Variants in RIMS2 observed in about 807,000 individuals in gnomAD.
The protein encoded by RIMS2 is regulating synaptic membrane exocytosis 2.
A neutral mutation model predicts 174.4 loss-of-function variants in RIMS2; 59 were observed. That is an observed-to-expected ratio of 0.34 (90% CI 0.27 to 0.42). The LOEUF (loss-of-function observed/expected upper bound fraction) is 0.42. Ranked by LOEUF, RIMS2 falls within the 10% of genes least tolerant of loss-of-function variation. RIMS2 has a pLI of 1.00. For synonymous variants in RIMS2, 606 were observed against 572.5 expected (o/e 1.06, Z -0.84); for missense variants, 1,620 against 1,666.3 (o/e 0.97, Z 0.48).
chr8:104,219,791 T>C (rs2099147198), intron 19 of RIMS2, among the ~76,000 whole-genome samples: 1 of 152,186 alleles, frequency 6.6e-6, no homozygotes, highest in Admixed American at 6.5e-5. Context: ...TGTAATAAAA[T>C]TATATAGTAG....
chr8:103,787,860 G>T lies in RIMS2; in HGVS notation c.698+21323G>T, dbSNP rs1331471765. ...AAGTTCTCCTGGATAATATCCTGCA[G>T]AGTGTTTTCCAACTTGGTTCCATTC... On this transcript the variant is annotated intron_variant, in intron 3 of 23. Transcript: ENST00000504942. 4.6e-5 allele frequency among the ~76,000 whole-genome samples: 7 copies of T among 152,228 alleles called. No homozygotes were observed. The East Asian group carries it at 1.4e-3, about 29-fold the overall frequency.
At chr8:103,700,300 C>T (rs1265359540) in intron 2 of RIMS2, among the ~76,000 whole-genome samples, 3 of 152,016 alleles carry the variant, frequency 2.0e-5, no homozygotes, top group African/African-American at 7.2e-5. Flanking sequence ...TAACAGGCCT[C>T]TTTATCATTA....
intron 9 of RIMS2, among the ~76,000 whole-genome samples, chr8:103,920,419 A>C (rs1033350487): frequency 3.9e-5 from 6 of 152,120 alleles, no homozygotes; most frequent in Non-Finnish European, 7.4e-5. Context: ...AACAAAAAAA[A>C]CCCAGCTTAT....
intron 14 of RIMS2, among the ~76,000 whole-genome samples, chr8:103,955,504 T>G (rs1400701186): frequency 6.6e-6 from 1 of 152,166 alleles, no homozygotes; most frequent in Non-Finnish European, 1.5e-5. Flanking sequence ...AAAAACCACA[T>G]GATTATCTCA....
chr8:103,578,597 A>C (rs1011116230), intron 1 of RIMS2, among the ~76,000 whole-genome samples: 1 of 152,048 alleles, frequency 6.6e-6, no homozygotes, highest in African/African-American at 2.4e-5. Flanking sequence ...CATATAAAGG[A>C]GCTCCATTTT....
Position 104,026,663 on chromosome 8 carries a change from A to T in RIMS2, c.3334+12048A>T, listed in dbSNP as rs558116343. ...AGAGGAGAGGGGGAAAAATAAAAAC[A>T]AACAAACATATTTAAAAAGTTTACA... On this transcript the variant is annotated intron_variant, in intron 19 of 23. Transcript: ENST00000504942. Among the ~76,000 whole-genome samples the T allele has an allele frequency of 6.6e-5, 10 of 152,340 alleles. No homozygotes were observed. The South Asian group carries it at 1.9e-3, about 28-fold the overall frequency.
At chr8:103,981,440 C>CA (rs1211291166) in intron 16 of RIMS2, among the ~76,000 whole-genome samples, 4 of 152,038 alleles carry the variant, frequency 2.6e-5, no homozygotes, top group African/African-American at 9.7e-5. Flanking sequence ...CACAACAAGC[C>CA]AAGACTGCAA....
chr8:104,111,883 G>A (rs1176968533), intron 19 of RIMS2, among the ~76,000 whole-genome samples: 2 of 152,096 alleles, frequency 1.3e-5, no homozygotes, highest in African/African-American at 2.4e-5. Context: ...CTCTAATCTA[G>A]CGCATGCTTA....
chr8:104,062,352 C>T (rs982449840), intron 19 of RIMS2, among the ~76,000 whole-genome samples: 4 of 152,024 alleles, frequency 2.6e-5, no homozygotes, highest in South Asian at 2.1e-4. Context: ...TGCGGTGAGC[C>T]GAGATTGCAC....
chr8:103,829,677 A>C (rs764349377), intron 3 of RIMS2, among the ~76,000 whole-genome samples: 1 of 152,168 alleles, frequency 6.6e-6, no homozygotes, highest in Non-Finnish European at 1.5e-5. Flanking sequence ...GACACAAAGA[A>C]GGGAAGATTA....
At chr8:104,250,964 C>T (rs2099357029) in intron 22 of RIMS2, 60 bp from the exon 29 acceptor site, 10 of 1,440,968 alleles carry the variant, frequency 6.9e-6, no homozygotes, top group Middle Eastern at 3.5e-4. Context: ...TGTCACCGTG[C>T]GTCGGCCATT....
At chr8:103,636,340 T>G (rs1385218384) in intron 1 of RIMS2, among the ~76,000 whole-genome samples, 1 of 152,124 alleles carries the variant, frequency 6.6e-6, no homozygotes, top group African/African-American at 2.4e-5. Context: ...TCAGAAATTG[T>G]AAGTATCTAT....
At chr8:104,121,668 T>C (rs960970797) in intron 19 of RIMS2, among the ~76,000 whole-genome samples, 1 of 152,134 alleles carries the variant, frequency 6.6e-6, no homozygotes, top group African/African-American at 2.4e-5. Context: ...TTGAGGCTTT[T>C]AATAAAATAA....
At chr8:103,608,963 A>T (rs1191259628) in intron 1 of RIMS2, among the ~76,000 whole-genome samples, 2 of 152,152 alleles carry the variant, frequency 1.3e-5, no homozygotes, top group Non-Finnish European at 2.9e-5. Flanking sequence ...TGCGTTGCTC[A>T]CGCTGGGAGC....
chr8:103,876,909 T>TATATATATATACACACACAC (rs71297243), intron 3 of RIMS2, among the ~76,000 whole-genome samples: 1 of 66,112 alleles, frequency 1.5e-5, no homozygotes, highest in Admixed American at 1.6e-4. Flanking sequence ...TATATATATA[T>TATATATATATACACACACAC]ACACACACAC....
chr8:104,103,554 C>T (rs913412720), intron 19 of RIMS2, among the ~76,000 whole-genome samples: 5 of 152,064 alleles, frequency 3.3e-5, no homozygotes, highest in African/African-American at 1.2e-4. Flanking sequence ...TATTCTAATA[C>T]TCCTTCTGAG....
At chr8:103,777,720 A>G (rs539963486) in intron 3 of RIMS2, among the ~76,000 whole-genome samples, 17 of 152,128 alleles carry the variant, frequency 1.1e-4, no homozygotes, top group African/African-American at 3.6e-4. Flanking sequence ...ATATTTCATC[A>G]TTTGATTTCA....
intron 14 of RIMS2, among the ~76,000 whole-genome samples, chr8:103,947,901 ACAT>A (rs1299119390): frequency 2.6e-5 from 4 of 152,172 alleles, no homozygotes; most frequent in African/African-American, 9.7e-5. Flanking sequence ...GTTTACTGAA[ACAT>A]CATTATACAG....
intron 1 of RIMS2, among the ~76,000 whole-genome samples, chr8:103,648,796 A>G (rs905701036): frequency 6.6e-6 from 1 of 151,736 alleles, no homozygotes; most frequent in Non-Finnish European, 1.5e-5. Context: ...TGTTTGGTAA[A>G]TTTTCCTCCA....
Sources: allele counts gnomAD v4.1 joint callset (sites outside exome capture counted in the v4.1 genomes callset), GRCh38; gene constraint gnomAD v4.1.1; transcripts MANE v1.5; gene names NCBI Gene and HGNC (gene_info 2026-07-23, HGNC 2026-07-21).